The following CAMTA1 variants were observed in gnomAD, a reference collection of about 807,000 sequenced individuals.
CAMTA1 encodes the protein calmodulin binding transcription activator 1.
In CAMTA1, 27 loss-of-function variants were observed where a neutral mutation model predicts 170.9. That is an observed-to-expected ratio of 0.16 (90% confidence interval 0.12 to 0.22). The LOEUF (loss-of-function observed/expected upper bound fraction) is 0.22, where lower values mean the gene tolerates loss of function less well. CAMTA1 is among the 10% of genes least tolerant of loss of function. The pLI is 1.00. For missense variants in CAMTA1, 1,619 were observed against 2,217.2 expected, an observed-to-expected ratio of 0.73 and a Z score of 5.42; for synonymous variants, 833 against 891.5, an observed-to-expected ratio of 0.93 and a Z score of 1.17.
intron 5 of CAMTA1, among the ~76,000 whole-genome samples, chr1:7,457,245 G>C (rs1020762926): frequency 1.3e-4 from 20 of 152,072 alleles, no homozygotes; most frequent in Non-Finnish European, 2.4e-4. Flanking sequence ...AAACAATAAA[G>C]CTGAAGCTCC....
chr1:7,640,649 C>G, intron 7 of CAMTA1, 96 bp downstream of exon 7: 1 of 1,412,610 alleles, frequency 7.1e-7, no homozygotes, highest in Non-Finnish European at 9.9e-7. Context: ...CTTGGGGATG[C>G]GGGTCCGGAG....
chr1:7,236,761 T>C (rs1353476198), intron 4 of CAMTA1, among the ~76,000 whole-genome samples: 1 of 152,224 alleles, frequency 6.6e-6, no homozygotes, highest in African/African-American at 2.4e-5. Context: ...TCCTGGTTGT[T>C]ACTGACATTT....
At chr1:7,039,798 C>G (rs1304052266) in intron 3 of CAMTA1, among the ~76,000 whole-genome samples, 1 of 152,040 alleles carries the variant, frequency 6.6e-6, no homozygotes, top group Non-Finnish European at 1.5e-5. Context: ...AATGGGTAAC[C>G]TATAGGGGAG....
intron 3 of CAMTA1, among the ~76,000 whole-genome samples, chr1:6,892,538 A>G (rs1674718691): frequency 6.6e-6 from 1 of 152,134 alleles, no homozygotes; most frequent in Non-Finnish European, 1.5e-5. Flanking sequence ...TGTCTTATTG[A>G]AACCTTGGGA....
At position 7,640,614 on chromosome 1, in the gene CAMTA1, C is replaced by T. The variant is rs12743421; in HGVS notation, c.664+61C>T. The T allele has an allele frequency of 0.071, 113,017 of 1,602,318 alleles. 4,999 individuals are homozygous for T. Among genetic ancestry groups the T allele is most frequent in the African/African-American group, 0.21 (16,054 of 74,790 alleles). On this transcript the variant is annotated intron_variant, in intron 7 of 22. Transcript: ENST00000303635. ...GGGAACCAGGCTGGCATCAACCAGGCGGGGCCAGGAAGGTCCTCTGTGGCC... is the reference window on the plus strand; with the variant it reads ...GGGAACCAGGCTGGCATCAACCAGGTGGGGCCAGGAAGGTCCTCTGTGGCC...
intron 6 of CAMTA1, among the ~76,000 whole-genome samples, chr1:7,632,666 C>T (rs115070515): frequency 0.012 from 1,780 of 152,348 alleles, 36 homozygotes; most frequent in South Asian, 0.086. Flanking sequence ...ATGGAGGAGC[C>T]GAGGCCAGGG....
intron 7 of CAMTA1, among the ~76,000 whole-genome samples, chr1:7,659,995 ATAATATCAGCACTTTGGGAGGCC>A (rs2095940533): frequency 1.3e-5 from 2 of 152,164 alleles, no homozygotes; most frequent in South Asian, 4.1e-4. Context: ...GTACACACCT[ATAATATCAGCACTTTGGGAGGCC>A]ATGAGTTCCA....
intron 1 of CAMTA1, among the ~76,000 whole-genome samples, chr1:6,798,798 T>A (rs11122154): frequency 0.1 from 13,110 of 125,858 alleles, 115 homozygotes; most frequent in East Asian, 0.16. Flanking sequence ...GGGTTTCACC[T>A]TGTTAGCCAG....
intron 3 of CAMTA1, among the ~76,000 whole-genome samples, chr1:6,853,624 T>C (rs891462154): frequency 6.6e-6 from 1 of 152,084 alleles, no homozygotes; most frequent in Non-Finnish European, 1.5e-5. Flanking sequence ...CCAAAATTTC[T>C]AATTAAAAAG....
intron 5 of CAMTA1, among the ~76,000 whole-genome samples, chr1:7,466,357 A>G (rs1036749085): frequency 2.6e-5 from 4 of 152,252 alleles, no homozygotes; most frequent in African/African-American, 4.8e-5. Context: ...TACAGGGCTT[A>G]AGTCCCAGCT....
chr1:7,599,063 A>G (rs1022568227), intron 6 of CAMTA1, among the ~76,000 whole-genome samples: 7 of 152,162 alleles, frequency 4.6e-5, no homozygotes, highest in Non-Finnish European at 8.8e-5. Context: ...TAGGGCTTTT[A>G]TGGTTTTTGG....
chr1:6,864,572 G>A (rs1314758885), intron 3 of CAMTA1, among the ~76,000 whole-genome samples: 2 of 152,072 alleles, frequency 1.3e-5, no homozygotes, highest in African/African-American at 4.8e-5. Context: ...CTCTCGCCTT[G>A]TCCTCTGTTC....
At chr1:7,408,604 G>C (rs2090472587) in intron 5 of CAMTA1, among the ~76,000 whole-genome samples, 1 of 152,236 alleles carries the variant, frequency 6.6e-6, no homozygotes, top group Non-Finnish European at 1.5e-5. Context: ...TCCCTGCTGA[G>C]CCACAGCTTC....
intron 1 of CAMTA1, among the ~76,000 whole-genome samples, chr1:6,796,427 T>A (rs965823308): frequency 7.9e-5 from 12 of 152,320 alleles, no homozygotes; most frequent in African/African-American, 2.9e-4. Context: ...CGTGAGCCAC[T>A]GAGCTGGCCT....
At chr1:7,429,090 G>A (rs1001682954) in intron 5 of CAMTA1, among the ~76,000 whole-genome samples, 16 of 152,142 alleles carry the variant, frequency 1.1e-4, no homozygotes, top group Admixed American at 8.5e-4. Flanking sequence ...TTCCATTTGA[G>A]AGTGTTGTCA....
intron 6 of CAMTA1, among the ~76,000 whole-genome samples, chr1:7,571,912 A>G (rs1357969443): frequency 6.6e-6 from 1 of 152,186 alleles, no homozygotes; most frequent in Non-Finnish European, 1.5e-5. Context: ...AGGAATCACC[A>G]TACTGCTCTC....
intron 11 of CAMTA1, chr1:7,693,955 A>T (rs1326379376): frequency 6.6e-6 from 1 of 152,194 alleles, no homozygotes; most frequent in Admixed American, 6.6e-5. Flanking sequence ...CATCTACCCT[A>T]AATCATATGG....
chr1:7,248,924 G>A lies in CAMTA1; in HGVS notation c.303-567G>A, dbSNP rs1318746748. On this transcript the variant is annotated intron_variant, in intron 4 of 22. Coordinates refer to ENST00000303635, the MANE Select transcript of CAMTA1 (RefSeq NM_015215.4). The surrounding 1 kb of genome is among the most constrained non-coding windows in gnomAD (Gnocchi z 4.0). Reference sequence around the variant, plus strand: ...AGAATCGGGTACTTAGCTTGCTTGAGAAGCAAGACCGCAGATGCTCTTTCA... The same window carrying A: ...AGAATCGGGTACTTAGCTTGCTTGAAAAGCAAGACCGCAGATGCTCTTTCA... Among the ~76,000 whole-genome samples, 1 of 152,168 alleles carries A rather than the reference G, an allele frequency of 6.6e-6. No individual in the cohort carries two copies. Among genetic ancestry groups the A allele is most frequent in the African/African-American group, 2.4e-5 (1 of 41,428 alleles).
intron 2 of CAMTA1, among the ~76,000 whole-genome samples, chr1:6,822,636 AAGTGT>A (rs1235204778): frequency 1.3e-5 from 2 of 152,132 alleles, no homozygotes; most frequent in Admixed American, 6.6e-5. Flanking sequence ...CCTCCGTGTA[AAGTGT>A]AATGTTTAGA....
Sources: allele counts gnomAD v4.1 joint callset (sites outside exome capture counted in the v4.1 genomes callset), GRCh38; gene constraint gnomAD v4.1.1; non-coding constraint Gnocchi (gnomAD v3.1); transcripts MANE v1.5; gene names NCBI Gene and HGNC (gene_info 2026-07-23, HGNC 2026-07-21).